PAPPA: variants seen among roughly 807,000 people sequenced by gnomAD.
The protein encoded by PAPPA is pappalysin-1.
PAPPA carries 60 observed loss-of-function variants against 164.0 expected under a neutral mutation model. The ratio of observed to expected loss-of-function variants is 0.37; its 90% CI spans 0.30 to 0.45. The LOEUF is 0.45. PAPPA is among the 20% of genes least tolerant of loss of function. The pLI is 1.00. For missense variants in PAPPA, 1,782 were observed against 2,087.3 expected (o/e 0.85, Z 2.85); for synonymous variants, 875 against 814.1 (o/e 1.07, Z -1.27).
intron 10 of PAPPA, among the ~76,000 whole-genome samples, chr9:116,322,555 GGTTCCCTGAGGCCCT>G (rs1470564999): frequency 1.3e-5 from 2 of 152,136 alleles, no homozygotes; most frequent in African/African-American, 4.8e-5. Context: ...TCTGTGTCCA[GGTTCCCTGAGGCCCT>G]TTACAGCTGT....
At chr9:116,198,628 C>T (rs1361873074) in intron 2 of PAPPA, among the ~76,000 whole-genome samples, 5 of 152,144 alleles carry the variant, frequency 3.3e-5, no homozygotes, top group Non-Finnish European at 5.9e-5. Flanking sequence ...ACTCAGACAT[C>T]GGGGGTCAGA....
chr9:116,361,975 T>C (rs552040158), intron 17 of PAPPA, among the ~76,000 whole-genome samples: 48 of 152,128 alleles, frequency 3.2e-4, no homozygotes, highest in African/African-American at 1.1e-3. Context: ...AGCACAGATA[T>C]ATAAGTATCC....
At position 116,314,060 on chromosome 9, in the gene PAPPA, C is replaced by CTTTTT. The variant is rs57871796; in HGVS notation, c.3147+11136_3147+11140dup. On this transcript the variant is annotated intron_variant, in intron 10 of 21. Coordinates refer to ENST00000328252, the MANE Select transcript of PAPPA (RefSeq NM_002581.5). Reference sequence around the variant, plus strand: ...ATTCAGTTCTGTCATTGCATCGAATCTTTTTTTTTTTTTTTTTTTTTTTTT... The same window carrying CTTTTT: ...ATTCAGTTCTGTCATTGCATCGAATCTTTTTTTTTTTTTTTTTTTTTTTTTTTTTT... Among the ~76,000 whole-genome samples, 96 of 69,734 alleles carry CTTTTT rather than the reference C, an allele frequency of 1.4e-3. 8 individuals are homozygous for CTTTTT. Among genetic ancestry groups the CTTTTT allele is most frequent in the East Asian group, 2.8e-3 (6 of 2,166 alleles). 45.7% of individuals were successfully genotyped at this position (69,734 alleles called of 152,430 possible).
chr9:116,268,108 A>G (rs1845093147), intron 8 of PAPPA, among the ~76,000 whole-genome samples: 1 of 152,172 alleles, frequency 6.6e-6, no homozygotes, highest in East Asian at 1.9e-4. Flanking sequence ...GATTGAAGAG[A>G]TTAGTGTAAG....
Position 116,265,837 on chromosome 9 carries a change from G to T in PAPPA, c.2733-20G>T. 1 of 1,577,582 alleles carries T rather than the reference G, an allele frequency of 6.3e-7. No individual in the cohort carries two copies. The highest frequency in any genetic ancestry group is 8.7e-7 in the Non-Finnish European group (1 of 1,150,882). ...CCCAGTATTGTAATTGTATAATTAT[G>T]TCTTCTTTGTATTTTCCAGGGATCT... On this transcript the variant is annotated intron_variant, in intron 7 of 21. Transcript: ENST00000328252.
At chr9:116,395,186 A>ATC (rs1846946817) in intron 21 of PAPPA, among the ~76,000 whole-genome samples, 1 of 152,202 alleles carries the variant, frequency 6.6e-6, no homozygotes, top group African/African-American at 2.4e-5. Context: ...TCAAGGTCAC[A>ATC]TCTCAAGTAG....
chr9:116,207,762 C>A (rs1844255060), intron 3 of PAPPA, among the ~76,000 whole-genome samples, 161 bp downstream of exon 3: 2 of 152,120 alleles, frequency 1.3e-5, no homozygotes, highest in South Asian at 4.1e-4. Context: ...CTTTAGCATC[C>A]TTTATCTCAT....
At position 116,353,781 on chromosome 9, in the gene PAPPA, T is replaced by C. The variant is rs1255036690; in HGVS notation, c.4335T>C (p.Ser1445=). Reference sequence around the variant, plus strand: ...AGTGTAGGATCAAGTGTGAAGACAGTGATGCCTCCCAGGTAAGCCTCCTGG... The same window carrying C: ...AGTGTAGGATCAAGTGTGAAGACAGCGATGCCTCCCAGGTAAGCCTCCTGG... The part of the protein sequence containing the change: ...NSECRIKCED[S]DASQGLGSNV... Residue 1445 remains serine, a synonymous_variant, in exon 17 of 22, where the codon AGT becomes AGC. Transcript: ENST00000328252. 6.2e-7 allele frequency: 1 copy of C among 1,612,774 alleles called. No homozygotes were observed. Among genetic ancestry groups the C allele is most frequent in the South Asian group, 1.1e-5 (1 of 90,886 alleles).
chr9:116,251,670 G>A (rs1006339056), intron 7 of PAPPA, among the ~76,000 whole-genome samples: 13 of 152,146 alleles, frequency 8.5e-5, no homozygotes, highest in Non-Finnish European at 1.8e-4. Context: ...CTTGGTGACT[G>A]GTCAGCTTGT....
Position 116,187,890 on chromosome 9 carries a change from G to A in PAPPA, c.1152G>A (p.Glu384=), listed in dbSNP as rs1299363336. ...QVDFQHHQLA[E]AFKQYNISWE... The stretch of plus-strand genomic sequence containing the variant: ...ACTTCCAGCACCATCAGCTGGCTGA[G>A]GCCTTCAAGCAATACAACATCTCCT... Residue 384 remains glutamate (E), a synonymous_variant, in exon 2 of 22, where the codon GAG becomes GAA. Transcript: ENST00000328252. The surrounding 1 kb of genome is among the most constrained non-coding windows in gnomAD (Gnocchi z 4.2). 3 of 1,614,156 alleles carry A rather than the reference G, an allele frequency of 1.9e-6. No homozygotes were observed. In the South Asian group the frequency reaches 3.3e-5, roughly 18 times the overall value.
intron 10 of PAPPA, among the ~76,000 whole-genome samples, chr9:116,313,228 G>A (rs1253472589): frequency 1.3e-5 from 2 of 152,108 alleles, no homozygotes; most frequent in African/African-American, 4.8e-5. Flanking sequence ...AGGCCCATGA[G>A]AGATGTCCCT....
rs748040284 is a variant in PAPPA, at chr9:116,298,397, G to A, written c.2954-4360G>A. Among the ~76,000 whole-genome samples, 14 of 152,206 alleles carry A rather than the reference G, an allele frequency of 9.2e-5. No individual in the cohort carries two copies. In the East Asian group the frequency reaches 1.3e-3, roughly 15 times the overall value. ...GACTTTGCTAATGGCACCTACCCACGTCAAGTCTCCTAGCTGGATAGAACA... is the reference window on the plus strand; with the variant it reads ...GACTTTGCTAATGGCACCTACCCACATCAAGTCTCCTAGCTGGATAGAACA... On this transcript the variant is annotated intron_variant, in intron 9 of 21. Coordinates refer to ENST00000328252, the MANE Select transcript of PAPPA (RefSeq NM_002581.5).
chr9:116,154,523 C>A lies in PAPPA; in HGVS notation c.351C>A (p.Asp117Glu). ...RLRADLELPRDAFTLQVWLRA... is the reference protein window; with the variant it reads ...RLRADLELPREAFTLQVWLRA... ...GGGCCGACCTCGAGCTGCCCCGGGA[C>A]GCGTTCACGCTGCAAGTGTGGCTGC... Residue 117 changes from aspartate to glutamate, a missense_variant, in exon 1 of 22, where the codon GAC (aspartate) becomes GAA (glutamate). Physicochemically the swap from Asp to Glu is conservative, Grantham distance 45. Transcript: ENST00000328252. The surrounding 1 kb of genome is among the most constrained non-coding windows in gnomAD (Gnocchi z 5.2). 1 of 1,400,210 alleles carries A rather than the reference C, an allele frequency of 7.1e-7. No homozygotes were observed. 86.7% of individuals were successfully genotyped at this position (1,400,210 alleles called of 1,614,324 possible). A position where few individuals can be genotyped will look rare whatever the true frequency, so the allele number is the denominator to read the frequency against.
At chr9:116,320,019 G>A (rs924069845) in intron 10 of PAPPA, among the ~76,000 whole-genome samples, 1 of 152,176 alleles carries the variant, frequency 6.6e-6, no homozygotes, top group Non-Finnish European at 1.5e-5. Flanking sequence ...GAACCTGTGT[G>A]TATGAAATTG....
Position 116,335,048 on chromosome 9 carries a change from G to A in PAPPA, c.3585G>A (p.Gly1195=), listed in dbSNP as rs1373829832. Reference sequence around the variant, plus strand: ...TCACCCTGAGCAGCTGCCAGAGAGGGGAGACCTACAGCCCTGCCGAGCAGA... The same window carrying A: ...TCACCCTGAGCAGCTGCCAGAGAGGAGAGACCTACAGCCCTGCCGAGCAGA... ...DPVTLSSCQR[G]ETYSPAEQSC... The change falls in exon 13 of 22, where the codon GGG becomes GGA. Residue 1195 remains glycine, a synonymous_variant. Coordinates refer to ENST00000328252, the MANE Select transcript of PAPPA (RefSeq NM_002581.5). 6.2e-7 allele frequency: 1 copy of A among 1,613,438 alleles called. No homozygotes were observed. Among genetic ancestry groups the A allele is most frequent in the Non-Finnish European group, 8.5e-7 (1 of 1,179,962 alleles).
intron 7 of PAPPA, among the ~76,000 whole-genome samples, chr9:116,250,206 G>A (rs1478968003): frequency 6.6e-6 from 1 of 152,152 alleles, no homozygotes; most frequent in Admixed American, 6.5e-5. Context: ...CTCAGGCTTT[G>A]TTTTCTACCC....
intron 1 of PAPPA, among the ~76,000 whole-genome samples, chr9:116,164,529 A>G (rs1396274719): frequency 6.6e-6 from 1 of 152,188 alleles, no homozygotes; most frequent in Non-Finnish European, 1.5e-5. Flanking sequence ...AACAACTTGG[A>G]ATATCGAAGT....
intron 10 of PAPPA, among the ~76,000 whole-genome samples, chr9:116,324,984 G>A (rs1845903636): frequency 6.6e-6 from 1 of 152,214 alleles, no homozygotes; most frequent in African/African-American, 2.4e-5. Context: ...AAGTAGCAGG[G>A]TGGTATGGTT....
At position 116,347,126 on chromosome 9, in the gene PAPPA, A is replaced by T; in HGVS notation, c.3881A>T (p.Tyr1294Phe). 1 of 1,614,170 alleles carries T rather than the reference A, an allele frequency of 6.2e-7. No individual in the cohort carries two copies. The highest frequency in any genetic ancestry group is 8.5e-7 in the Non-Finnish European group (1 of 1,180,002). ...DCSIPDHHQV[Y>F]AASFSCPEGT... is the part of the protein sequence containing the mutation. ...AGCATCCCAGATCACCATCAAGTCT[A>T]TGCTGCCTCCTTCTCCTGCCCTGAG... is the stretch of plus-strand genomic sequence containing the variant. The change falls in exon 15 of 22, where the codon TAT (tyrosine) becomes TTT (phenylalanine). Residue 1294 changes from tyrosine to phenylalanine, a missense_variant. This residue lies in a region of PAPPA where 1,324 missense variants were observed against 1,656.9 expected (regional missense o/e 0.80). Transcript: ENST00000328252. This position sits in a 1 kb window ranked among gnomAD's most constrained non-coding sequence, Gnocchi z 4.5.
Sources: gnomAD v4.1 joint callset for allele counts (sites outside exome capture counted in the v4.1 genomes callset) on GRCh38, gnomAD v4.1.1 for gene constraint, gnomAD v4.1.1 regional missense constraint, Gnocchi (gnomAD v3.1) non-coding constraint, MANE v1.5 for transcripts, NCBI Gene and HGNC (gene_info 2026-07-23, HGNC 2026-07-21) for gene names.